The following EPB41L5 variants were observed in gnomAD, a reference collection of about 807,000 sequenced individuals.
EPB41L5 encodes the protein erythrocyte membrane protein band 4.1 like 5, also known as band 4.1-like protein 5.
In EPB41L5, 55 loss-of-function variants were observed where a neutral mutation model predicts 106.6. The observed-to-expected ratio is 0.52, with a 90% CI of 0.42 to 0.65. The LOEUF is 0.65. EPB41L5 is among the 30% of genes least tolerant of loss of function. The pLI is 0.00. For synonymous variants in EPB41L5, 297 were observed against 306.7 expected (o/e 0.97, Z 0.33); for missense variants, 871 against 882.1 (o/e 0.99, Z 0.16).
At chr2:120,028,887 T>G (rs1011206279) in intron 2 of EPB41L5, among the ~76,000 whole-genome samples, 2 of 152,068 alleles carry the variant, frequency 1.3e-5, no homozygotes, top group African/African-American at 4.8e-5. Context: ...GCAAAGAGTT[T>G]TGGTGGGATG....
At chr2:120,079,786 A>G (rs1194669464) in intron 10 of EPB41L5, among the ~76,000 whole-genome samples, 4 of 152,020 alleles carry the variant, frequency 2.6e-5, no homozygotes, top group Non-Finnish European at 5.9e-5. Context: ...TAAGTTATCA[A>G]GGGTTACATT....
At chr2:120,017,303 C>T (rs895207445) in intron 1 of EPB41L5, among the ~76,000 whole-genome samples, 1 of 152,190 alleles carries the variant, frequency 6.6e-6, no homozygotes, top group Non-Finnish European at 1.5e-5. Context: ...TATCCCCTAC[C>T]TCTTATTATG....
intron 3 of EPB41L5, among the ~76,000 whole-genome samples, chr2:120,051,883 G>C (rs760412122): frequency 3.3e-5 from 5 of 152,046 alleles, no homozygotes; most frequent in Non-Finnish European, 7.4e-5. Context: ...CTGGAGTGCA[G>C]TGACGTGGTC....
intron 16 of EPB41L5, among the ~76,000 whole-genome samples, chr2:120,109,880 G>A (rs1684640806): frequency 1.3e-5 from 2 of 152,182 alleles, no homozygotes; most frequent in African/African-American, 2.4e-5. Context: ...ACAGAGGACT[G>A]GGTATGATTG....
rs1361317306 is a variant in EPB41L5, at chr2:120,176,335, T to G, written c.*1428T>G. On this transcript the variant is annotated 3_prime_UTR_variant, in exon 25 of 25. Coordinates refer to ENST00000263713, the MANE Select transcript of EPB41L5 (RefSeq NM_020909.4). ...CTGCAATATGTATATAATTAAGCAC[T>G]AATTTGTACTGCTTAGCATAAAAGA... 1 of 152,276 alleles carries G rather than the reference T, an allele frequency of 6.6e-6. No homozygotes were observed. Among genetic ancestry groups the G allele is most frequent in the Non-Finnish European group, 1.5e-5 (1 of 68,040 alleles). 9.4% of individuals were successfully genotyped at this position (152,276 alleles called of 1,614,324 possible).
chr2:120,052,346 G>T (rs1053245558), intron 3 of EPB41L5, among the ~76,000 whole-genome samples: 1 of 152,132 alleles, frequency 6.6e-6, no homozygotes, highest in East Asian at 1.9e-4. Flanking sequence ...TCTGTGTTTC[G>T]TTCTGTCCTA....
chr2:120,148,999 A>G (rs1686541428), intron 20 of EPB41L5, among the ~76,000 whole-genome samples: 1 of 152,262 alleles, frequency 6.6e-6, no homozygotes, highest in South Asian at 2.1e-4. Flanking sequence ...TGAGGATTCC[A>G]ATTTCTCCGT....
At position 120,176,277 on chromosome 2, in the gene EPB41L5, T is replaced by C. The variant is rs1687915357; in HGVS notation, c.*1370T>C. On this transcript the variant is annotated 3_prime_UTR_variant, in exon 25 of 25. Transcript: ENST00000263713. ...GTTATGGAGAACTGATCTTAAGCTA[T>C]ACCTCCTGGAATTTGCTTTCTAGTT... 6.6e-6 allele frequency: 1 copy of C among 152,488 alleles called. No homozygotes were observed. Among genetic ancestry groups the C allele is most frequent in the African/African-American group, 2.4e-5 (1 of 41,462 alleles). 9.4% of individuals were successfully genotyped at this position (152,488 alleles called of 1,614,324 possible). A position where few individuals can be genotyped will look rare whatever the true frequency, so the allele number is the denominator to read the frequency against.
intron 24 of EPB41L5, among the ~76,000 whole-genome samples, chr2:120,168,592 C>G (rs1166001353): frequency 6.6e-6 from 1 of 152,228 alleles, no homozygotes; most frequent in African/African-American, 2.4e-5. Flanking sequence ...TCACTCCTAC[C>G]TCAGACCTTT....
rs1211185313 is a variant in EPB41L5, at chr2:120,151,684, T to G, written c.1793+5395T>G. Among the ~76,000 whole-genome samples, 7 of 151,534 alleles carry G rather than the reference T, an allele frequency of 4.6e-5. No homozygotes were observed. The East Asian group carries it at 1.4e-3, about 30-fold the overall frequency. On this transcript the variant is annotated intron_variant, in intron 20 of 24. Transcript: ENST00000263713. ...CAGGCTGGAATGCAATGGCGCGATT[T>G]TGGTTCACTGCAGCCTCTGCCTCCT...
intron 5 of EPB41L5, among the ~76,000 whole-genome samples, chr2:120,074,726 T>C (rs1395170200): frequency 6.6e-6 from 1 of 152,194 alleles, no homozygotes; most frequent in Non-Finnish European, 1.5e-5. Flanking sequence ...ACATACTATT[T>C]ATTAAATGAA....
rs968403669 is a variant in EPB41L5 at position 120,042,144 on chromosome 2, G to A, written c.285+34G>A. 4.6e-6 allele frequency: 7 copies of A among 1,526,250 alleles called. No homozygotes were observed. The South Asian group carries it at 7.9e-5, about 17-fold the overall frequency. The allele number at this position is 1,526,250 out of a possible 1,614,324, so 94.5% of individuals were successfully genotyped here. On this transcript the variant is annotated intron_variant, in intron 3 of 24. Transcript: ENST00000263713. ...CTGTTTTTTGGAAGTTTTAGCATAA[G>A]GAGAAGAAACAGGAAATTTCAGATG...
intron 2 of EPB41L5, among the ~76,000 whole-genome samples, chr2:120,030,663 C>T (rs548681222): frequency 9.1e-4 from 138 of 152,102 alleles, no homozygotes; most frequent in Non-Finnish European, 1.2e-3. Flanking sequence ...AAGTGATTCT[C>T]CTGCCTCAGC....
rs981390845 is a variant in EPB41L5, at chr2:120,177,542, C to T, written c.*2635C>T. 2.6e-5 allele frequency: 4 copies of T among 152,146 alleles called. No homozygotes were observed. The highest frequency in any genetic ancestry group is 9.7e-5 in the African/African-American group (4 of 41,426). The allele number at this position is 152,146 out of a possible 1,614,324, so 9.4% of individuals were successfully genotyped here. ...AATAAGACGTGAAGGTTTCAGTTAC[C>T]TGCTCTAGACTTTGCCTGAGAACTT... On this transcript the variant is annotated 3_prime_UTR_variant, in exon 25 of 25. Transcript: ENST00000263713.
chr2:120,035,078 TG>T (rs1678958130), intron 2 of EPB41L5, among the ~76,000 whole-genome samples: 1 of 152,228 alleles, frequency 6.6e-6, no homozygotes, highest in African/African-American at 2.4e-5. Context: ...AATTTCTGCC[TG>T]GGATTTGTTT....
chr2:120,162,949 C>G (rs1687197614), intron 21 of EPB41L5, among the ~76,000 whole-genome samples: 1 of 152,036 alleles, frequency 6.6e-6, no homozygotes. Flanking sequence ...GGCATATAAG[C>G]AGAAATGGAA....
chr2:120,165,983 A>G (rs1342746838), intron 22 of EPB41L5, among the ~76,000 whole-genome samples: 1 of 150,128 alleles, frequency 6.7e-6, no homozygotes, highest in East Asian at 1.9e-4. Flanking sequence ...AAAAAAAAAA[A>G]AAAAAAAAAA....
chr2:120,020,805 G>A (rs539079647), intron 2 of EPB41L5, among the ~76,000 whole-genome samples: 1 of 123,404 alleles, frequency 8.1e-6, no homozygotes, highest in Non-Finnish European at 1.7e-5. Context: ...TAGTAGGAGA[G>A]TAGAATTTGT....
At chr2:120,168,475 G>GAA (rs2105563332) in intron 24 of EPB41L5, among the ~76,000 whole-genome samples, 1 of 152,244 alleles carries the variant, frequency 6.6e-6, no homozygotes, top group South Asian at 2.1e-4. Context: ...GCTACAGACA[G>GAA]AAACTAGACT....
Sources: gnomAD v4.1 joint callset for allele counts (sites outside exome capture counted in the v4.1 genomes callset) on GRCh38, gnomAD v4.1.1 for gene constraint, MANE v1.5 for transcripts, NCBI Gene and HGNC (gene_info 2026-07-23, HGNC 2026-07-21) for gene names.